GRID2: variants seen among roughly 807,000 people sequenced by gnomAD.
GRID2 encodes glutamate ionotropic receptor delta type subunit 2.
Under a neutral mutation model 114.8 loss-of-function variants are expected in GRID2, and 33 were observed. The observed-to-expected ratio is 0.29, with a 90% CI of 0.22 to 0.38. GRID2 has a LOEUF of 0.38. Ranked by LOEUF, GRID2 falls within the 10% of genes least tolerant of loss-of-function variation. GRID2 has a pLI of 1.00. For missense variants in GRID2, 1,184 were observed against 1,257.7 expected, an observed-to-expected ratio of 0.94 and a Z score of 0.89; for synonymous variants, 505 against 449.9, an observed-to-expected ratio of 1.12 and a Z score of -1.55.
intron 6 of GRID2, among the ~76,000 whole-genome samples, chr4:93,222,711 C>T (rs1238355451): frequency 5.3e-5 from 8 of 151,864 alleles, no homozygotes; most frequent in African/African-American, 9.7e-5. Context: ...TGAGAACATG[C>T]GGTGTTTGGT....
intron 2 of GRID2, among the ~76,000 whole-genome samples, chr4:92,894,574 ATAGAAGG>A (rs1339224814): frequency 6.6e-6 from 1 of 152,190 alleles, no homozygotes; most frequent in Non-Finnish European, 1.5e-5. Context: ...AGCTTAATTA[ATAGAAGG>A]ATAGATTTTA....
At chr4:92,599,850 C>T (rs1356680527) in intron 2 of GRID2, among the ~76,000 whole-genome samples, 1 of 151,536 alleles carries the variant, frequency 6.6e-6, no homozygotes, top group Non-Finnish European at 1.5e-5. Context: ...CACGGTGAAA[C>T]CCCGTCTCTA....
At chr4:93,633,059 C>T (rs1042254487) in intron 14 of GRID2, among the ~76,000 whole-genome samples, 5 of 151,864 alleles carry the variant, frequency 3.3e-5, no homozygotes, top group African/African-American at 1.2e-4. Flanking sequence ...ATCTCTCTCT[C>T]TCTACACATG....
rs1007996383 is a variant in GRID2, at chr4:92,379,106, G to A, written c.88+74362G>A. Among the ~76,000 whole-genome samples the A allele has an allele frequency of 4.6e-5, 7 of 151,684 alleles. No homozygotes were observed. In the East Asian group the frequency reaches 5.8e-4, roughly 13 times the overall value. ...AAATATTTGGTACCAGAATAACAAG[G>A]TATGCAAAATGACAACTAAATTTAT... On this transcript the variant is annotated intron_variant, in intron 1 of 15. Transcript: ENST00000282020.
At chr4:93,415,257 C>CT (rs966576729) in intron 9 of GRID2, among the ~76,000 whole-genome samples, 15 of 151,992 alleles carry the variant, frequency 9.9e-5, no homozygotes, top group African/African-American at 3.6e-4. Flanking sequence ...TGATAGCTTT[C>CT]TTTAAGATAA....
At chr4:93,258,782 C>T (rs1290286797) in intron 8 of GRID2, 1 of 378,526 alleles carries the variant, frequency 2.6e-6, no homozygotes, top group African/African-American at 2.1e-5. Context: ...TTAACCACTA[C>T]AACTAATGCA....
intron 1 of GRID2, among the ~76,000 whole-genome samples, chr4:92,356,887 A>T (rs1728355460): frequency 6.6e-6 from 1 of 151,864 alleles, no homozygotes; most frequent in Non-Finnish European, 1.5e-5. Context: ...TTTGGAAGTG[A>T]ATAAAGCAAA....
intron 2 of GRID2, among the ~76,000 whole-genome samples, chr4:92,753,365 A>G (rs1477052572): frequency 6.6e-6 from 1 of 152,308 alleles, no homozygotes; most frequent in Admixed American, 6.5e-5. Flanking sequence ...GATGCGTAAT[A>G]AATGACATTG....
At chr4:93,263,794 T>C (rs757681489) in intron 8 of GRID2, among the ~76,000 whole-genome samples, 1 of 152,098 alleles carries the variant, frequency 6.6e-6, no homozygotes, top group Non-Finnish European at 1.5e-5. Flanking sequence ...TAGAAACCTT[T>C]GTGAAAAGCC....
At chr4:93,804,175 A>G (rs116665095) in intron 1 of GRID2, among the ~76,000 whole-genome samples, 1 of 152,170 alleles carries the variant, frequency 6.6e-6, no homozygotes, top group Non-Finnish European at 1.5e-5. Flanking sequence ...AATTGTCCCC[A>G]CCATCCATGA....
At chr4:93,063,550 T>G (rs1438937456) in intron 2 of GRID2, among the ~76,000 whole-genome samples, 1 of 151,906 alleles carries the variant, frequency 6.6e-6, no homozygotes, top group Non-Finnish European at 1.5e-5. Flanking sequence ...TGATCTTGGC[T>G]GATACTTAGG....
chr4:93,105,389 A>C (rs907073298), intron 3 of GRID2, among the ~76,000 whole-genome samples: 1 of 152,162 alleles, frequency 6.6e-6, no homozygotes, highest in African/African-American at 2.4e-5. Flanking sequence ...GCCCATGCCT[A>C]TGTCCTGAAC....
intron 2 of GRID2, among the ~76,000 whole-genome samples, chr4:92,744,740 T>G (rs1737065397): frequency 6.6e-6 from 1 of 152,268 alleles, no homozygotes; most frequent in Non-Finnish European, 1.5e-5. Flanking sequence ...TCCAGTTCCA[T>G]GAAACCTTTT....
At chr4:92,586,359 C>T (rs989948115) in intron 1 of GRID2, among the ~76,000 whole-genome samples, 21 of 48,000 alleles carry the variant, frequency 4.4e-4, no homozygotes, top group Non-Finnish European at 7.1e-4. Context: ...AAAATCTACA[C>T]ACACACACAC....
In GRID2 at chr4:92,509,767, A is replaced by G. The variant is rs146345046; in HGVS notation, c.89-80364A>G. On this transcript the variant is annotated intron_variant, in intron 1 of 15. Transcript: ENST00000282020. ...GAGTAAAGAGCATTGTGGCTCAAGG[A>G]AACAGCATGCACAGAAGCTCTGAGA... Among the ~76,000 whole-genome samples the G allele has an allele frequency of 5.8e-3, 888 of 152,014 alleles. 12 individuals are homozygous for G. The highest frequency in any genetic ancestry group is 0.02 in the African/African-American group (850 of 41,534).
chr4:93,370,949 G>A (rs1253424587), intron 8 of GRID2, among the ~76,000 whole-genome samples: 4 of 152,048 alleles, frequency 2.6e-5, no homozygotes, highest in Admixed American at 6.6e-5. Context: ...TAAATGGCAC[G>A]ATTTACCTAT....
At chr4:92,644,434 G>T (rs1397194721) in intron 2 of GRID2, among the ~76,000 whole-genome samples, 1 of 151,728 alleles carries the variant, frequency 6.6e-6, no homozygotes, top group Non-Finnish European at 1.5e-5. Flanking sequence ...TTTCTAGATT[G>T]TGAAGTAAAT....
chr4:93,127,748 A>G (rs1454070604), intron 4 of GRID2, among the ~76,000 whole-genome samples: 1 of 151,990 alleles, frequency 6.6e-6, no homozygotes, highest in Non-Finnish European at 1.5e-5. Flanking sequence ...CTGTAATTCT[A>G]GTTCTTGGGA....
At chr4:92,539,973 A>T (rs4263360) in intron 1 of GRID2, among the ~76,000 whole-genome samples, 2 of 151,770 alleles carry the variant, frequency 1.3e-5, no homozygotes, top group Admixed American at 6.6e-5. Flanking sequence ...ACAGAACAGA[A>T]CCCTCAGAAA....
Sources: gnomAD v4.1 joint callset for allele counts (sites outside exome capture counted in the v4.1 genomes callset) on GRCh38, gnomAD v4.1.1 for gene constraint, MANE v1.5 for transcripts, NCBI Gene and HGNC (gene_info 2026-07-23, HGNC 2026-07-21) for gene names.